PDE10A: variants seen among roughly 807,000 people sequenced by gnomAD.
PDE10A encodes phosphodiesterase 10A.
In PDE10A, 39 loss-of-function variants were observed where a neutral mutation model predicts 97.7. The observed-to-expected ratio is 0.40, with a 90% CI of 0.31 to 0.52. The LOEUF is 0.52. Ranked by LOEUF, PDE10A falls within the 20% of genes least tolerant of loss-of-function variation. The probability of loss-of-function intolerance (pLI) is 0.56; values close to 1 mark genes in which losing one functional copy is unlikely to be tolerated. For missense variants in PDE10A, 731 were observed against 1,047.8 expected (o/e 0.70, Z 4.17); for synonymous variants, 371 against 376.8 (o/e 0.98, Z 0.18).
At chr6:165,464,331 A>T (rs1778512176) in intron 3 of PDE10A, among the ~76,000 whole-genome samples, 1 of 152,132 alleles carries the variant, frequency 6.6e-6, no homozygotes, top group Admixed American at 6.5e-5. Flanking sequence ...CCAACCAAAC[A>T]CTACAGTATA....
At chr6:165,973,079 AGG>A (rs1338746296) in intron 1 of PDE10A, among the ~76,000 whole-genome samples, 2 of 152,138 alleles carry the variant, frequency 1.3e-5, no homozygotes, top group Admixed American at 1.3e-4. Flanking sequence ...GCTCACAAAT[AGG>A]TTGCTCTCCA....
At chr6:165,771,752 T>G (rs1375247427) in intron 1 of PDE10A, among the ~76,000 whole-genome samples, 1 of 151,660 alleles carries the variant, frequency 6.6e-6, no homozygotes, top group Non-Finnish European at 1.5e-5. Flanking sequence ...GGAAGCTGGA[T>G]GGCAGGATTG....
At chr6:165,927,134 G>A (rs1421997291) in intron 1 of PDE10A, among the ~76,000 whole-genome samples, 1 of 152,098 alleles carries the variant, frequency 6.6e-6, no homozygotes, top group African/African-American at 2.4e-5. Flanking sequence ...GTAGATGACA[G>A]GTTGATGCAT....
intron 3 of PDE10A, among the ~76,000 whole-genome samples, chr6:165,464,515 A>G (rs1778520251): frequency 6.6e-6 from 1 of 152,220 alleles, no homozygotes; most frequent in African/African-American, 2.4e-5. Flanking sequence ...CTAGATGTTA[A>G]TATTTTTTAG....
intron 1 of PDE10A, among the ~76,000 whole-genome samples, chr6:165,760,944 G>T (rs1793233824): frequency 6.6e-6 from 1 of 152,166 alleles, no homozygotes; most frequent in Non-Finnish European, 1.5e-5. Flanking sequence ...GTGGAAGAAG[G>T]TAATATGAAA....
At chr6:165,626,351 T>C (rs535396025) in intron 1 of PDE10A, among the ~76,000 whole-genome samples, 1 of 152,220 alleles carries the variant, frequency 6.6e-6, no homozygotes, top group East Asian at 1.9e-4. Context: ...TGTTTCAACA[T>C]TAACACCTCC....
intron 1 of PDE10A, among the ~76,000 whole-genome samples, chr6:165,687,616 C>G (rs933940474): frequency 2.0e-5 from 3 of 152,172 alleles, no homozygotes; most frequent in African/African-American, 4.8e-5. Flanking sequence ...GCACACAATA[C>G]GAAGACCAAC....
chr6:165,850,416 C>T (rs192258159), intron 1 of PDE10A, among the ~76,000 whole-genome samples: 162 of 152,302 alleles, frequency 1.1e-3, no homozygotes, highest in Admixed American at 1.8e-3. Flanking sequence ...GAAGCTAAGC[C>T]TCTTGTTCCC....
intron 1 of PDE10A, chr6:165,948,292 A>C (rs1783844443): frequency 6.6e-6 from 1 of 152,238 alleles, no homozygotes; most frequent in Admixed American, 6.5e-5. Flanking sequence ...AGTTCCTACC[A>C]TCAGGCAAAG....
intron 1 of PDE10A, among the ~76,000 whole-genome samples, chr6:165,556,148 GT>G (rs1160945153): frequency 6.6e-6 from 1 of 152,118 alleles, no homozygotes; most frequent in Admixed American, 6.5e-5. Flanking sequence ...TTGTACTTAA[GT>G]TTTTAGGGAG....
chr6:165,604,517 T>C (rs1037230853), intron 1 of PDE10A, among the ~76,000 whole-genome samples: 60 of 71,570 alleles, frequency 8.4e-4, no homozygotes, highest in African/African-American at 3.5e-3. Flanking sequence ...ACTCTCTTTG[T>C]TAAAAAAAAA....
intron 1 of PDE10A, among the ~76,000 whole-genome samples, chr6:165,898,015 C>A (rs1282800439): frequency 1.3e-5 from 2 of 151,028 alleles, no homozygotes; most frequent in Non-Finnish European, 3.0e-5. Context: ...CTGTAACCCA[C>A]CCCCTTGTAC....
At chr6:165,925,034 C>G (rs149059825) in intron 1 of PDE10A, among the ~76,000 whole-genome samples, 47 of 152,260 alleles carry the variant, frequency 3.1e-4, no homozygotes, top group African/African-American at 1.1e-3. Flanking sequence ...GGTCTTGAAT[C>G]TAGAACCTAT....
chr6:165,368,456 T>C (rs1246231029), intron 18 of PDE10A, among the ~76,000 whole-genome samples: 4 of 152,196 alleles, frequency 2.6e-5, no homozygotes, highest in East Asian at 3.9e-4. Flanking sequence ...GTTTTTCACA[T>C]TGAACAAAAT....
chr6:165,922,912 A>G lies in PDE10A; in HGVS notation c.-615+64617T>C, dbSNP rs80038188. Among the ~76,000 whole-genome samples the G allele has an allele frequency of 7.7e-3, 1,169 of 152,318 alleles. 19 individuals carry two copies. The highest frequency in any genetic ancestry group is 0.026 in the African/African-American group (1,079 of 41,572). Reference sequence around the variant, plus strand: ...GGTTCACTCCCCTCCATGAGTCTGCATTGTGAAACAAGGATCCCAGCTAAT... The same window carrying G: ...GGTTCACTCCCCTCCATGAGTCTGCGTTGTGAAACAAGGATCCCAGCTAAT... On this transcript the variant is annotated intron_variant, in intron 1 of 19. Coordinates refer to the PDE10A transcript ENST00000366882.
chr6:165,583,478 G>A (rs1785729828), intron 1 of PDE10A, among the ~76,000 whole-genome samples: 1 of 152,160 alleles, frequency 6.6e-6, no homozygotes, highest in South Asian at 2.1e-4. Flanking sequence ...CTTGAGAGGA[G>A]GAGTTTACCC....
chr6:165,515,920 A>G (rs968224040), intron 2 of PDE10A, among the ~76,000 whole-genome samples: 23 of 152,276 alleles, frequency 1.5e-4, no homozygotes, highest in African/African-American at 5.5e-4. Context: ...ATTTTAAAAC[A>G]CTGAACAAGA....
At chr6:165,660,028 T>G (rs900137110) in intron 1 of PDE10A, 1 of 152,254 alleles carries the variant, frequency 6.6e-6, no homozygotes, top group South Asian at 2.1e-4. Flanking sequence ...CACTGCAAGA[T>G]AGAGCGTTCT....
intron 1 of PDE10A, among the ~76,000 whole-genome samples, chr6:165,849,083 A>G (rs1780500710): frequency 6.6e-6 from 1 of 152,248 alleles, no homozygotes; most frequent in Non-Finnish European, 1.5e-5. Context: ...ATGAATCATG[A>G]AAAACACATT....
Sources: allele counts gnomAD v4.1 joint callset (sites outside exome capture counted in the v4.1 genomes callset), GRCh38; gene constraint gnomAD v4.1.1; transcripts MANE v1.5; gene names NCBI Gene and HGNC (gene_info 2026-07-23, HGNC 2026-07-21).